The following PARD3B variants were observed in gnomAD, a reference collection of about 807,000 sequenced individuals.
PARD3B encodes par-3 family cell polarity regulator beta.
PARD3B carries 103 observed loss-of-function variants against 130.2 expected under a neutral mutation model. The observed-to-expected ratio is 0.79, with a 90% CI of 0.67 to 0.93. The LOEUF is 0.93. PARD3B is among the 40% of genes least tolerant of loss of function. The pLI is 0.00. For synonymous variants in PARD3B, 583 were observed against 553.2 expected (o/e 1.05, Z -0.76); for missense variants, 1,609 against 1,499.2 (o/e 1.07, Z -1.21).
At chr2:205,075,778 C>G (rs1349026206) in intron 4 of PARD3B, among the ~76,000 whole-genome samples, 1 of 151,306 alleles carries the variant, frequency 6.6e-6, no homozygotes, top group African/African-American at 2.4e-5. Flanking sequence ...TCCTTGATCT[C>G]TATGGTTAAA....
chr2:205,350,979 A>G (rs1277132793), intron 18 of PARD3B, among the ~76,000 whole-genome samples: 1 of 152,238 alleles, frequency 6.6e-6, no homozygotes, highest in African/African-American at 2.4e-5. Flanking sequence ...TTTGGCAATT[A>G]GTACTCTTAC....
intron 18 of PARD3B, among the ~76,000 whole-genome samples, chr2:205,388,050 G>A (rs2045725247): frequency 6.6e-6 from 1 of 152,138 alleles, no homozygotes. Context: ...ACACTCTCTG[G>A]TAAATTTACT....
At chr2:205,034,028 T>C (rs1163544121) in intron 3 of PARD3B, among the ~76,000 whole-genome samples, 1 of 152,154 alleles carries the variant, frequency 6.6e-6, no homozygotes, top group Non-Finnish European at 1.5e-5. Context: ...TATTTTAAAA[T>C]AAATGTTGAT....
intron 3 of PARD3B, among the ~76,000 whole-genome samples, chr2:205,002,821 A>G (rs1694954184): frequency 6.6e-6 from 1 of 152,194 alleles, no homozygotes; most frequent in Non-Finnish European, 1.5e-5. Context: ...TGTTGATGCC[A>G]TAAGAAATTA....
At chr2:205,057,527 A>ATG (rs1575664145) in intron 4 of PARD3B, among the ~76,000 whole-genome samples, 1 of 146,614 alleles carries the variant, frequency 6.8e-6, no homozygotes, top group East Asian at 2.0e-4. Flanking sequence ...GCATGTGTAT[A>ATG]TATACATATA....
At chr2:205,379,491 A>C (rs1360195720) in intron 18 of PARD3B, among the ~76,000 whole-genome samples, 1 of 152,162 alleles carries the variant, frequency 6.6e-6, no homozygotes, top group Non-Finnish European at 1.5e-5. Flanking sequence ...TTTAAAAAAA[A>C]AGCAAACATA....
At chr2:204,841,828 T>C (rs1024134622) in intron 2 of PARD3B, among the ~76,000 whole-genome samples, 7 of 152,068 alleles carry the variant, frequency 4.6e-5, no homozygotes, top group Non-Finnish European at 1.0e-4. Context: ...CAGTAATAAT[T>C]AGCTAATTTT....
intron 4 of PARD3B, among the ~76,000 whole-genome samples, chr2:205,092,372 G>A (rs1702159331): frequency 1.3e-5 from 2 of 152,098 alleles, no homozygotes; most frequent in African/African-American, 4.8e-5. Flanking sequence ...CACTTCATAG[G>A]GTTGCCGAGG....
In PARD3B at chr2:204,698,142, A is replaced by C. The variant is rs150054919; in HGVS notation, c.222+11860A>C. On this transcript the variant is annotated intron_variant, in intron 2 of 22. Transcript: ENST00000406610. ...TTACACGGGCCATGTATTGCCTTAC[A>C]TTTACGCCTGTTTCCATTGCGTTTT... 7.0e-3 allele frequency among the ~76,000 whole-genome samples: 1,061 copies of C among 152,090 alleles called. 17 individuals carry two copies. The highest frequency in any genetic ancestry group is 0.023 in the African/African-American group (967 of 41,500).
rs1454478864 is a variant in PARD3B at position 204,883,449 on chromosome 2, A to T, written c.223-81703A>T. Among the ~76,000 whole-genome samples the T allele has an allele frequency of 7.6e-4, 78 of 102,362 alleles. 2 individuals are homozygous for T. The highest frequency in any genetic ancestry group is 2.2e-3 in the African/African-American group (43 of 19,992). 67.2% of individuals were successfully genotyped at this position (102,362 alleles called of 152,430 possible). On this transcript the variant is annotated intron_variant, in intron 2 of 22. Transcript: ENST00000406610. The stretch of plus-strand genomic sequence containing the variant: ...ATATATATAAAATATATATATATAT[A>T]TATATATTTTTTTTTTTGAGACAGA...
intron 2 of PARD3B, among the ~76,000 whole-genome samples, chr2:204,866,808 G>T (rs2045436898): frequency 6.6e-6 from 1 of 151,890 alleles, no homozygotes; most frequent in South Asian, 2.1e-4. Flanking sequence ...ATAAAATATT[G>T]TCATAATCTC....
chr2:205,611,893 G>A (rs1199915381), intron 22 of PARD3B, among the ~76,000 whole-genome samples: 2 of 152,038 alleles, frequency 1.3e-5, no homozygotes, highest in Non-Finnish European at 1.5e-5. Context: ...TTTGTTATGC[G>A]GATTCTTGTT....
intron 2 of PARD3B, among the ~76,000 whole-genome samples, chr2:204,708,962 AT>A (rs1269361978): frequency 6.6e-6 from 1 of 152,206 alleles, no homozygotes; most frequent in Non-Finnish European, 1.5e-5. Flanking sequence ...CCAAGAACAA[AT>A]TAAAAATCTT....
intron 2 of PARD3B, among the ~76,000 whole-genome samples, chr2:204,892,938 A>G (rs1327841048): frequency 6.6e-6 from 1 of 152,230 alleles, no homozygotes; most frequent in South Asian, 2.1e-4. Context: ...CAGTTATAAA[A>G]GACTGGAGTT....
At chr2:204,627,336 G>A (rs1158493433) in intron 1 of PARD3B, among the ~76,000 whole-genome samples, 2 of 151,866 alleles carry the variant, frequency 1.3e-5, no homozygotes, top group African/African-American at 4.8e-5. Context: ...CAAATGTTTG[G>A]CATACAAGTC....
intron 3 of PARD3B, among the ~76,000 whole-genome samples, chr2:204,990,856 GTTTAC>G (rs1365474911): frequency 6.6e-5 from 10 of 152,200 alleles, no homozygotes; most frequent in Admixed American, 5.2e-4. Context: ...CTGTTTAAAA[GTTTAC>G]TTTACATAGG....
intron 2 of PARD3B, among the ~76,000 whole-genome samples, chr2:204,933,588 C>T (rs1270003943): frequency 6.6e-6 from 1 of 152,164 alleles, no homozygotes; most frequent in Admixed American, 6.5e-5. Context: ...ATGGTTGTGA[C>T]TGTAAAGCCC....
intron 2 of PARD3B, among the ~76,000 whole-genome samples, chr2:204,777,613 A>T (rs142872092): frequency 7.2e-5 from 11 of 152,018 alleles, no homozygotes; most frequent in Non-Finnish European, 1.3e-4. Context: ...ACAAAAAATT[A>T]AAAAAATTAG....
intron 21 of PARD3B, among the ~76,000 whole-genome samples, chr2:205,531,884 G>A (rs188700185): frequency 9.9e-5 from 15 of 152,240 alleles, no homozygotes; most frequent in Non-Finnish European, 1.3e-4. Flanking sequence ...CACGCTCTCC[G>A]CAGAGTTATT....
Sources: allele counts gnomAD v4.1 joint callset (sites outside exome capture counted in the v4.1 genomes callset), GRCh38; gene constraint gnomAD v4.1.1; transcripts MANE v1.5; gene names NCBI Gene and HGNC (gene_info 2026-07-23, HGNC 2026-07-21).